Variants in MBNL1 observed in about 807,000 individuals in gnomAD.
MBNL1 encodes the protein muscleblind like splicing regulator 1.
MBNL1 carries 8 observed loss-of-function variants against 42.2 expected under a neutral mutation model. That is an observed-to-expected ratio of 0.19 (90% confidence interval 0.11 to 0.34). The LOEUF (loss-of-function observed/expected upper bound fraction) is 0.34. MBNL1 is among the 10% of genes least tolerant of loss of function. The pLI, the probability that MBNL1 is intolerant of heterozygous loss-of-function variation, is 1.00. For missense variants in MBNL1, 309 were observed against 495.3 expected (o/e 0.62, Z 3.57); for synonymous variants, 169 against 173.9 (o/e 0.97, Z 0.22).
At chr3:152,292,518 T>G (rs1044561604) in intron 1 of MBNL1, among the ~76,000 whole-genome samples, 2 of 152,212 alleles carry the variant, frequency 1.3e-5, no homozygotes, top group African/African-American at 4.8e-5. Flanking sequence ...ATTACTTATT[T>G]GCGTTAGTAA....
At chr3:152,410,740 C>G (rs1203328463) in intron 2 of MBNL1, among the ~76,000 whole-genome samples, 1 of 152,200 alleles carries the variant, frequency 6.6e-6, no homozygotes, top group Non-Finnish European at 1.5e-5. Context: ...GTGTAATCAA[C>G]AAAAGCAAGG....
rs763288666 is a variant in MBNL1, at chr3:152,415,077, A to G, written c.311A>G (p.Asn104Ser). The change falls in exon 3 of 10, where the codon AAT (asparagine) becomes AGT (serine). Residue 104 changes from asparagine to serine, a missense_variant. Asn to Ser is a conservative substitution (Grantham distance 46, BLOSUM62 1). Transcript: ENST00000324210. The part of the protein sequence containing the change: ...AMLAQQMQLA[N>S]AMMPGAPLQP... Reference sequence around the variant, plus strand: ...TTGGCCCAGCAAATGCAACTAGCCAATGCCATGATGCCTGGTGCCCCATTA... The same window carrying G: ...TTGGCCCAGCAAATGCAACTAGCCAGTGCCATGATGCCTGGTGCCCCATTA... 2.3e-5 allele frequency: 37 copies of G among 1,601,026 alleles called. No individual in the cohort carries two copies. Among genetic ancestry groups the G allele is most frequent in the Admixed American group, 3.6e-5 (2 of 56,144 alleles).
chr3:152,353,159 T>C (rs1200283594), intron 2 of MBNL1, among the ~76,000 whole-genome samples: 1 of 152,186 alleles, frequency 6.6e-6, no homozygotes, highest in Non-Finnish European at 1.5e-5. Flanking sequence ...CTCAGAAGCT[T>C]ATCCTAGCAA....
chr3:152,328,608 A>T (rs1240621849), intron 2 of MBNL1, among the ~76,000 whole-genome samples: 1 of 152,166 alleles, frequency 6.6e-6, no homozygotes, highest in African/African-American at 2.4e-5. Flanking sequence ...CATTGTATTT[A>T]TAAGACTTTG....
chr3:152,444,060 C>A (rs1375553797), intron 4 of MBNL1, among the ~76,000 whole-genome samples: 2 of 152,138 alleles, frequency 1.3e-5, no homozygotes, highest in African/African-American at 4.8e-5. Flanking sequence ...CTTCCTAAGT[C>A]GTAGTAGGGT....
At chr3:152,389,248 C>T (rs1248734246) in intron 2 of MBNL1, among the ~76,000 whole-genome samples, 2 of 151,906 alleles carry the variant, frequency 1.3e-5, no homozygotes, top group African/African-American at 2.4e-5. Flanking sequence ...ATCACCATGC[C>T]CGGCTAATTT....
intron 2 of MBNL1, among the ~76,000 whole-genome samples, chr3:152,316,925 G>T (rs918796538): frequency 6.6e-6 from 1 of 151,720 alleles, no homozygotes; most frequent in African/African-American, 2.4e-5. Flanking sequence ...TTTTTAAAAA[G>T]ATTAAGAAGA....
intron 2 of MBNL1, among the ~76,000 whole-genome samples, chr3:152,330,450 A>G (rs1375922424): frequency 6.6e-6 from 1 of 152,166 alleles, no homozygotes; most frequent in Non-Finnish European, 1.5e-5. Context: ...GCCCATTTTT[A>G]TATCAGGAAA....
chr3:152,322,861 C>T (rs948125544), intron 2 of MBNL1, among the ~76,000 whole-genome samples: 1 of 152,028 alleles, frequency 6.6e-6, no homozygotes, highest in Non-Finnish European at 1.5e-5. Context: ...GCTCAAGGCA[C>T]ATTTTGGATT....
At chr3:152,357,690 T>C (rs1046204878) in intron 2 of MBNL1, among the ~76,000 whole-genome samples, 6 of 152,212 alleles carry the variant, frequency 3.9e-5, no homozygotes, top group Non-Finnish European at 5.9e-5. Flanking sequence ...GTGAGTGTTT[T>C]ATTTTCCCAC....
intron 2 of MBNL1, among the ~76,000 whole-genome samples, chr3:152,413,868 A>G (rs1482650761): frequency 6.6e-6 from 1 of 152,238 alleles, no homozygotes; most frequent in Non-Finnish European, 1.5e-5. Flanking sequence ...CTCACACCAT[A>G]TTACATATTA....
In MBNL1 at chr3:152,445,527, C is replaced by T. The variant is rs745997511; in HGVS notation, c.795C>T (p.Thr265=). 42 of 1,612,536 alleles carry T rather than the reference C, an allele frequency of 2.6e-5. No homozygotes were observed. Among genetic ancestry groups the T allele is most frequent in the Non-Finnish European group, 3.4e-5 (40 of 1,179,310 alleles). ...NQAAAAQAAA[T]AAAMGIPQAV... ...CTGCAGCTGCACAGGCTGCAGCCAC[C>T]GCAGCTGCCATGGTGAGTAGAGATA... The change falls in exon 5 of 10, where the codon ACC becomes ACT. Residue 265 remains threonine (T), a synonymous_variant. Coordinates refer to ENST00000324210, the MANE Select transcript of MBNL1 (RefSeq NM_021038.5).
chr3:152,434,108 T>G (rs2153777997), intron 4 of MBNL1, among the ~76,000 whole-genome samples: 1 of 152,294 alleles, frequency 6.6e-6, no homozygotes, highest in Non-Finnish European at 1.5e-5. Flanking sequence ...ATAGGTAAAC[T>G]TCATATCATG....
intron 2 of MBNL1, among the ~76,000 whole-genome samples, chr3:152,394,826 AT>A (rs1347468442): frequency 6.6e-6 from 1 of 152,114 alleles, no homozygotes; most frequent in Non-Finnish European, 1.5e-5. Context: ...TAAACAATAA[AT>A]AGTAATTTTC....
chr3:152,455,470 C>A, intron 6 of MBNL1, 72 bp from the exon 7 acceptor site: 1 of 1,190,430 alleles, frequency 8.4e-7, no homozygotes, highest in Non-Finnish European at 1.3e-6. Flanking sequence ...TTTCTAATTA[C>A]ACGTGTGATG....
chr3:152,373,341 G>GAAAA (rs35536807), intron 2 of MBNL1, among the ~76,000 whole-genome samples: 3 of 90,538 alleles, frequency 3.3e-5, no homozygotes, highest in Non-Finnish European at 2.1e-5. Flanking sequence ...CTGGGGTATG[G>GAAAA]AAAAAAAAAA....
At chr3:152,289,849 GATT>G in intron 1 of MBNL1, among the ~76,000 whole-genome samples, 1 of 152,138 alleles carries the variant, frequency 6.6e-6, no homozygotes, top group Admixed American at 6.5e-5. Flanking sequence ...GACTTTTACT[GATT>G]ATATGGAATG....
At position 152,353,809 on chromosome 3, in the gene MBNL1, T is replaced by A. The variant is rs993282381; in HGVS notation, c.174+53442T>A. 9.9e-5 allele frequency among the ~76,000 whole-genome samples: 15 copies of A among 151,812 alleles called. 1 individual carries two copies. Among genetic ancestry groups the A allele is most frequent in the Admixed American group, 3.9e-4 (6 of 15,234 alleles). On this transcript the variant is annotated intron_variant, in intron 2 of 9. Coordinates refer to ENST00000324210, the MANE Select transcript of MBNL1 (RefSeq NM_021038.5). ...CACAAAATCTCTGCAGCCCACCCACTGTAGCCTTCCCAGAGTTAAGAGCAC... is the reference window on the plus strand; with the variant it reads ...CACAAAATCTCTGCAGCCCACCCACAGTAGCCTTCCCAGAGTTAAGAGCAC...
intron 2 of MBNL1, among the ~76,000 whole-genome samples, chr3:152,342,492 A>C (rs2093466209): frequency 6.6e-6 from 1 of 151,970 alleles, no homozygotes; most frequent in South Asian, 2.1e-4. Flanking sequence ...AGGGTCACAC[A>C]ACTAGAAAAA....
Sources: allele counts gnomAD v4.1 joint callset (sites outside exome capture counted in the v4.1 genomes callset), GRCh38; gene constraint gnomAD v4.1.1; transcripts MANE v1.5; gene names NCBI Gene and HGNC (gene_info 2026-07-23, HGNC 2026-07-21).